NCOA6: variants seen among roughly 807,000 people sequenced by gnomAD.
The protein encoded by NCOA6 is nuclear receptor coactivator 6.
NCOA6 carries 49 observed loss-of-function variants against 171.4 expected under a neutral mutation model. That is an observed-to-expected ratio of 0.29 (90% CI 0.23 to 0.36). The LOEUF is 0.36. Among genes scored for constraint, NCOA6 ranks in the 10% least tolerant of loss-of-function variants. NCOA6 has a pLI of 1.00. For synonymous variants in NCOA6, 910 were observed against 927.5 expected, an observed-to-expected ratio of 0.98 and a Z score of 0.34; for missense variants, 2,248 against 2,554.5, an observed-to-expected ratio of 0.88 and a Z score of 2.59.
rs923009765 is a variant in NCOA6 at position 34,752,507 on chromosome 20, C to T, written c.1676-1988G>A. On this transcript the variant is annotated intron_variant, in intron 8 of 14. Coordinates refer to ENST00000359003, the MANE Select transcript of NCOA6 (RefSeq NM_014071.5). ...CCTACAGTCTAACTGGCAAGAGACA[C>T]AACTAACAAACAGACAAGTATTTTT... Among the ~76,000 whole-genome samples the T allele has an allele frequency of 1.3e-5, 2 of 152,108 alleles. 1 individual carries two copies. The highest frequency in any genetic ancestry group is 4.8e-5 in the African/African-American group (2 of 41,418).
intron 2 of NCOA6, among the ~76,000 whole-genome samples, chr20:34,784,909 C>T (rs562050703): frequency 2.0e-5 from 3 of 151,842 alleles, no homozygotes; most frequent in East Asian, 3.9e-4. Context: ...GGTGAAACCC[C>T]GTCTTTACTG....
chr20:34,798,767 C>T (rs1211829104), intron 1 of NCOA6, among the ~76,000 whole-genome samples: 5 of 152,176 alleles, frequency 3.3e-5, no homozygotes, highest in Admixed American at 3.3e-4. Context: ...AGTTTTACTA[C>T]ACTTGGGGTG....
Position 34,742,167 on chromosome 20 carries a change from G to A in NCOA6, c.4089C>T (p.Ala1363=). 1 of 1,614,170 alleles carries A rather than the reference G, an allele frequency of 6.2e-7. No homozygotes were observed. Among genetic ancestry groups the A allele is most frequent in the Non-Finnish European group, 8.5e-7 (1 of 1,180,038 alleles). ...KLTLASQTNA[A]LLQNVELPRN... is the part of the protein sequence containing the mutation. ...TCGGCAACTCCACATTCTGCAATAG[G>A]GCTGCATTTGTCTGAGAGGCCAGAG... Residue 1363 remains alanine, a synonymous_variant, in exon 11 of 15, where the codon GCC becomes GCT. Coordinates refer to ENST00000359003, the MANE Select transcript of NCOA6 (RefSeq NM_014071.5).
intron 14 of NCOA6, among the ~76,000 whole-genome samples, chr20:34,723,668 T>C (rs1260901580): frequency 1.3e-5 from 2 of 152,124 alleles, no homozygotes; most frequent in African/African-American, 4.8e-5. Context: ...GGTGGGACAA[T>C]GTTCAGTTTA....
At chr20:34,764,236 C>T (rs375052928) in intron 5 of NCOA6, among the ~76,000 whole-genome samples, 5 of 151,940 alleles carry the variant, frequency 3.3e-5, no homozygotes, top group African/African-American at 9.7e-5. Flanking sequence ...TACAGGCGTC[C>T]GCCACCACAC....
chr20:34,723,214 T>G (rs1989585434), intron 14 of NCOA6, among the ~76,000 whole-genome samples: 1 of 152,186 alleles, frequency 6.6e-6, no homozygotes, highest in Non-Finnish European at 1.5e-5. Context: ...GGCAGCAGTC[T>G]TGTGGGACTG....
intron 1 of NCOA6, among the ~76,000 whole-genome samples, chr20:34,815,215 A>C (rs573009849): frequency 0.01 from 1,544 of 148,524 alleles, 30 homozygotes; most frequent in African/African-American, 0.033. Context: ...CTCTACCCCA[A>C]AAAAAAAAAA....
intron 1 of NCOA6, among the ~76,000 whole-genome samples, chr20:34,794,584 G>GA (rs950736188): frequency 1.2e-4 from 18 of 151,776 alleles, no homozygotes; most frequent in African/African-American, 2.7e-4. Context: ...ATTTTTGAGA[G>GA]AAAAAAAACA....
At chr20:34,730,317 G>A (rs1990463254) in intron 13 of NCOA6, among the ~76,000 whole-genome samples, 1 of 151,704 alleles carries the variant, frequency 6.6e-6, no homozygotes, top group Admixed American at 6.6e-5. Context: ...CAACTCCTAA[G>A]CTCAAGCAAT....
chr20:34,812,161 G>A lies in NCOA6; in HGVS notation c.-164+13311C>T, dbSNP rs139944859. On this transcript the variant is annotated intron_variant, in intron 1 of 14. Transcript: ENST00000359003. ...CCAGCTACTTGGGAGGCTGAGGCAT[G>A]AGAATCTCTTGAACCAGGGAGGAAG... Among the ~76,000 whole-genome samples, 195 of 152,004 alleles carry A rather than the reference G, an allele frequency of 1.3e-3. 1 individual carries two copies. The highest frequency in any genetic ancestry group is 2.6e-3 in the Non-Finnish European group (174 of 67,982).
In NCOA6 at chr20:34,741,534, G is replaced by A. The variant is rs1474604168; in HGVS notation, c.4722C>T (p.Ser1574=). 6.2e-6 allele frequency: 10 copies of A among 1,614,090 alleles called. No individual in the cohort carries two copies. Among genetic ancestry groups the A allele is most frequent in the Non-Finnish European group, 8.5e-6 (10 of 1,180,048 alleles). The change falls in exon 11 of 15, where the codon AGC becomes AGT. Residue 1574 remains serine, a synonymous_variant. Transcript: ENST00000359003. ...CAGGTCTTGACATTACTGGAGGGAT[G>A]CTTGGTGCAACGTTAGAACTGACCT... ...LSEVSSNVAP[S]IPPVMSRPVS...
chr20:34,807,548 T>C (rs2078495477), intron 1 of NCOA6, among the ~76,000 whole-genome samples: 1 of 152,182 alleles, frequency 6.6e-6, no homozygotes, highest in East Asian at 1.9e-4. Flanking sequence ...TTTTTTGAGA[T>C]GGAGTCTCGC....
At chr20:34,776,526 AG>A in intron 3 of NCOA6, 78 bp from the exon 4 acceptor site, 1 of 1,499,026 alleles carries the variant, frequency 6.7e-7, no homozygotes, top group Admixed American at 1.7e-5. Flanking sequence ...ACAAACCAAA[AG>A]AGCAAAAGAA....
chr20:34,778,431 A>AT lies in NCOA6; in HGVS notation c.236-1984dup, dbSNP rs746819072. 7.5e-3 allele frequency among the ~76,000 whole-genome samples: 1,064 copies of AT among 141,158 alleles called. 4 individuals are homozygous for AT. The highest frequency in any genetic ancestry group is 0.016 in the African/African-American group (618 of 38,856). The allele number at this position is 141,158 out of a possible 152,430, so 92.6% of individuals were successfully genotyped here. A position where few individuals can be genotyped will look rare whatever the true frequency, so the allele number is the denominator to read the frequency against. On this transcript the variant is annotated intron_variant, in intron 3 of 14. Transcript: ENST00000359003. Reference sequence around the variant, plus strand: ...GTTATTCAATGGTTAGAGACGTTCAATTTTTTTTTTTTTTTGAGACGGAGT... The same window carrying AT: ...GTTATTCAATGGTTAGAGACGTTCAATTTTTTTTTTTTTTTTGAGACGGAGT...
chr20:34,779,007 C>T (rs986111192), intron 3 of NCOA6, among the ~76,000 whole-genome samples: 1 of 148,732 alleles, frequency 6.7e-6, no homozygotes, highest in Non-Finnish European at 1.5e-5. Flanking sequence ...CTTAGGGCGA[C>T]ACATGGTGGT....
rs567137771 is a variant in NCOA6 at position 34,743,090 on chromosome 20, G to C, written c.3166C>G (p.Pro1056Ala). The change falls in exon 11 of 15, where the codon CCT becomes GCT. Residue 1056 changes from proline (P) to alanine (A), a missense_variant. Transcript: ENST00000359003. ...VRLPVSQNVHPPRGPLNPDSQ... is the reference protein window; with the variant it reads ...VRLPVSQNVHAPRGPLNPDSQ... ...TCGGGGTTCAGGGGGCCCCTTGGAG[G>C]ATGGACATTTTGAGAGACTGGAAGC... 3 of 1,613,536 alleles carry C rather than the reference G, an allele frequency of 1.9e-6. No homozygotes were observed. The South Asian group carries it at 3.3e-5, about 18-fold the overall frequency.
At chr20:34,792,999 T>C (rs2077943355) in intron 1 of NCOA6, among the ~76,000 whole-genome samples, 1 of 151,980 alleles carries the variant, frequency 6.6e-6, no homozygotes, top group East Asian at 1.9e-4. Flanking sequence ...CCCAGGCTAG[T>C]CTTGAACTTC....
At chr20:34,798,946 A>G (rs1431637869) in intron 1 of NCOA6, among the ~76,000 whole-genome samples, 1 of 152,200 alleles carries the variant, frequency 6.6e-6, no homozygotes, top group Non-Finnish European at 1.5e-5. Flanking sequence ...ACAAACATCC[A>G]CAAACATCAA....
intron 3 of NCOA6, among the ~76,000 whole-genome samples, chr20:34,777,757 C>T (rs1470330762): frequency 1.3e-5 from 2 of 152,150 alleles, no homozygotes; most frequent in Non-Finnish European, 2.9e-5. Context: ...TCGGAGTACA[C>T]ACTCAAATGA....
Sources: gnomAD v4.1 joint callset for allele counts (sites outside exome capture counted in the v4.1 genomes callset) on GRCh38, gnomAD v4.1.1 for gene constraint, MANE v1.5 for transcripts, NCBI Gene and HGNC (gene_info 2026-07-23, HGNC 2026-07-21) for gene names.